WDR70: variants seen among roughly 807,000 people sequenced by gnomAD.
WDR70 encodes WD repeat-containing protein 70.
Under a neutral mutation model 88.6 loss-of-function variants are expected in WDR70, and 53 were observed. The observed-to-expected ratio is 0.60, with a 90% CI of 0.48 to 0.75. The LOEUF (loss-of-function observed/expected upper bound fraction) is 0.75. Among genes scored for constraint, WDR70 ranks in the 30% least tolerant of loss-of-function variants. The pLI is 0.00. For missense variants in WDR70, 610 were observed against 823.2 expected (o/e 0.74, Z 3.17); for synonymous variants, 280 against 270.0 (o/e 1.04, Z -0.36).
intron 3 of WDR70, among the ~76,000 whole-genome samples, chr5:37,383,390 G>T (rs1014081389): frequency 5.9e-5 from 9 of 152,016 alleles, no homozygotes; most frequent in Admixed American, 5.9e-4. Context: ...CTCCTGAGTA[G>T]CTGGGATTAC....
chr5:37,521,121 A>G (rs972793401), intron 9 of WDR70, among the ~76,000 whole-genome samples: 1 of 152,180 alleles, frequency 6.6e-6, no homozygotes, highest in Non-Finnish European at 1.5e-5. Context: ...TTTGTTCTCA[A>G]AACTGTTGGA....
intron 13 of WDR70, 55 bp downstream of exon 13, chr5:37,703,142 C>T: frequency 1.3e-6 from 2 of 1,570,368 alleles, no homozygotes; most frequent in Non-Finnish European, 1.7e-6. Context: ...TGCCTCTTAC[C>T]CATCTTTTGG....
intron 8 of WDR70, among the ~76,000 whole-genome samples, chr5:37,509,783 T>C (rs1056850877): frequency 4.0e-5 from 6 of 150,628 alleles, no homozygotes; most frequent in Non-Finnish European, 5.9e-5. Context: ...AGCAGCCCTA[T>C]AGATTCTTTT....
chr5:37,723,152 A>G (rs1747872859), intron 15 of WDR70: 1 of 572,340 alleles, frequency 1.7e-6, no homozygotes, highest in Non-Finnish European at 3.1e-6. Context: ...CTTTCAACCC[A>G]AAAGGGAAAA....
At chr5:37,393,096 G>A (rs1431090178) in intron 4 of WDR70, among the ~76,000 whole-genome samples, 4 of 152,140 alleles carry the variant, frequency 2.6e-5, no homozygotes, top group Non-Finnish European at 5.9e-5. Context: ...AGGCTGCAGT[G>A]CAGTGGCACC....
intron 9 of WDR70, among the ~76,000 whole-genome samples, chr5:37,600,824 C>G (rs1340614060): frequency 1.3e-5 from 2 of 152,162 alleles, no homozygotes; most frequent in Non-Finnish European, 2.9e-5. Context: ...TACAGCCACT[C>G]TGGAAAGCAG....
At chr5:37,537,728 A>T (rs1741705796) in intron 9 of WDR70, among the ~76,000 whole-genome samples, 1 of 152,198 alleles carries the variant, frequency 6.6e-6, no homozygotes, top group South Asian at 2.1e-4. Context: ...ATTATACTTC[A>T]TTGTGATTGT....
intron 5 of WDR70, among the ~76,000 whole-genome samples, chr5:37,408,540 C>T (rs543455924): frequency 6.6e-6 from 1 of 152,064 alleles, no homozygotes; most frequent in Non-Finnish European, 1.5e-5. Context: ...AACTTTGTAT[C>T]TTTGTTTAAC....
chr5:37,520,241 C>A (rs959606495), intron 9 of WDR70, among the ~76,000 whole-genome samples: 13 of 152,080 alleles, frequency 8.5e-5, no homozygotes, highest in African/African-American at 2.7e-4. Flanking sequence ...TTAACATTCA[C>A]AGTTGCTGTT....
Position 37,596,138 on chromosome 5 carries a change from A to G in WDR70, c.918-8926A>G, listed in dbSNP as rs934200379. Among the ~76,000 whole-genome samples, 8 of 152,192 alleles carry G rather than the reference A, an allele frequency of 5.3e-5. 1 individual carries two copies. The highest frequency in any genetic ancestry group is 1.9e-4 in the African/African-American group (8 of 41,448). ...AGCTGTCAAACCCAGTGCCTGACAT[A>G]ATGTTAAGATTGCGCTAACCAAATT... On this transcript the variant is annotated intron_variant, in intron 9 of 17. Coordinates refer to ENST00000265107, the MANE Select transcript of WDR70 (RefSeq NM_018034.4).
intron 3 of WDR70, among the ~76,000 whole-genome samples, chr5:37,390,159 G>C (rs1365626992): frequency 2.0e-5 from 3 of 151,870 alleles, no homozygotes; most frequent in African/African-American, 7.3e-5. Context: ...CACAATTGTA[G>C]AGTGAGATTA....
intron 17 of WDR70, among the ~76,000 whole-genome samples, chr5:37,727,462 G>T (rs1748007044): frequency 6.6e-6 from 1 of 152,186 alleles, no homozygotes; most frequent in Non-Finnish European, 1.5e-5. Context: ...GATCCTGCCT[G>T]CTCGTATTCC....
intron 10 of WDR70, among the ~76,000 whole-genome samples, chr5:37,646,489 A>G (rs1745243445): frequency 6.6e-6 from 1 of 152,026 alleles, no homozygotes; most frequent in African/African-American, 2.4e-5. Context: ...TTTTTTGCCT[A>G]TTAATATCCT....
chr5:37,610,206 C>T (rs1561921978), intron 10 of WDR70, among the ~76,000 whole-genome samples: 1 of 145,090 alleles, frequency 6.9e-6, no homozygotes, highest in South Asian at 2.2e-4. Flanking sequence ...GCGGAGGTTG[C>T]AGTGAGCCGA....
chr5:37,434,228 A>G (rs1750400181), intron 5 of WDR70, among the ~76,000 whole-genome samples: 4 of 152,228 alleles, frequency 2.6e-5, no homozygotes, highest in Non-Finnish European at 5.9e-5. Context: ...ACTCACTCTC[A>G]GGAGAACAGC....
At chr5:37,451,553 G>A (rs1342005652) in intron 7 of WDR70, among the ~76,000 whole-genome samples, 1 of 152,112 alleles carries the variant, frequency 6.6e-6, no homozygotes, top group Admixed American at 6.6e-5. Context: ...CATATCTTGA[G>A]CCTCCCTTTA....
At position 37,628,511 on chromosome 5, in the gene WDR70, G is replaced by T. The variant is rs553775622; in HGVS notation, c.1092+23273G>T. On this transcript the variant is annotated intron_variant, in intron 10 of 17. Coordinates refer to ENST00000265107, the MANE Select transcript of WDR70 (RefSeq NM_018034.4). ...TAGCTTTTAACTTGAAGTCTATTTT[G>T]TCTGACATAAGCATAGCTACTCCTG... Among the ~76,000 whole-genome samples the T allele has an allele frequency of 1.3e-3, 191 of 152,148 alleles. 2 individuals are homozygous for T. The highest frequency in any genetic ancestry group is 4.5e-3 in the African/African-American group (185 of 41,502).
At chr5:37,641,434 T>A (rs1397059438) in intron 10 of WDR70, among the ~76,000 whole-genome samples, 1 of 117,088 alleles carries the variant, frequency 8.5e-6, no homozygotes, top group Admixed American at 8.6e-5. Flanking sequence ...TTTTTTTTTT[T>A]AAGACAGACT....
chr5:37,536,841 ATTTT>A (rs989826106), intron 9 of WDR70, among the ~76,000 whole-genome samples: 1 of 151,446 alleles, frequency 6.6e-6, no homozygotes, highest in Middle Eastern at 3.2e-3. Flanking sequence ...TGACAAGAAA[ATTTT>A]TTTTTCCTCT....
Sources: gnomAD v4.1 joint callset for allele counts (sites outside exome capture counted in the v4.1 genomes callset) on GRCh38, gnomAD v4.1.1 for gene constraint, MANE v1.5 for transcripts, NCBI Gene and HGNC (gene_info 2026-07-23, HGNC 2026-07-21) for gene names.